TUG1: variants seen among roughly 807,000 people sequenced by gnomAD.
TUG1 encodes taurine up-regulated 1, also known as taurine upregulated gene 1.
At chr22:30,971,343 C>A (rs1432077259) in exon 1 of TUG1, 1 of 152,258 alleles carries the variant, frequency 6.6e-6, no homozygotes, top group Non-Finnish European at 1.5e-5. Flanking sequence ...CCGGATGTAC[C>A]TCAAAAGACT....
At chr22:30,978,253 T>C (rs1471105457) in exon 3 of TUG1, 4 of 152,212 alleles carry the variant, frequency 2.6e-5, no homozygotes, top group African/African-American at 7.2e-5. Flanking sequence ...ATCCAACATA[T>C]GCTATTGGAC....
At chr22:30,973,224 G>A (rs532110125) in exon 2 of TUG1, 1 of 152,408 alleles carries the variant, frequency 6.6e-6, no homozygotes, top group East Asian at 1.9e-4. Flanking sequence ...ATTTGGACCA[G>A]GGGATTTTTT....
chr22:30,974,194 T>A (rs1356890865), intron 2 of TUG1: 1 of 152,066 alleles, frequency 6.6e-6, no homozygotes, highest in Non-Finnish European at 1.5e-5. Flanking sequence ...TGTGTGTAAA[T>A]ATGACATGGA....
At chr22:30,969,603 G>T in exon 1 of TUG1, 2 of 152,670 alleles carry the variant, frequency 1.3e-5, no homozygotes, top group South Asian at 3.7e-4. Context: ...GGTCGGCGGC[G>T]GCGGGCAGCT....
exon 3 of TUG1, chr22:30,975,320 C>G (rs2041275847): frequency 6.6e-6 from 1 of 152,158 alleles, no homozygotes; most frequent in Admixed American, 6.5e-5. Context: ...CTGAATCCTG[C>G]TACAACTATC....
exon 1 of TUG1, chr22:30,971,284 G>C (rs1278008870): frequency 6.6e-6 from 1 of 152,086 alleles, no homozygotes; most frequent in Admixed American, 6.5e-5. Context: ...CCAGAGAAAT[G>C]ACTTGGAGAA....
At chr22:30,971,644 G>GTC (rs1223908183) in exon 1 of TUG1, 2 of 153,070 alleles carry the variant, frequency 1.3e-5, no homozygotes, top group African/African-American at 2.4e-5. Flanking sequence ...TTTTGGGACT[G>GTC]TTGACCTTGC....
At chr22:30,972,263 G>C (rs557449058) in intron 1 of TUG1, 2 of 152,316 alleles carry the variant, frequency 1.3e-5, no homozygotes, top group Non-Finnish European at 2.9e-5. Context: ...ATGTTTTAAT[G>C]TTTTTTAATT....
At chr22:30,970,447 T>A (rs1261603756) in exon 1 of TUG1, 2 of 152,222 alleles carry the variant, frequency 1.3e-5, no homozygotes, top group African/African-American at 4.8e-5. Flanking sequence ...TCCTTTTCTT[T>A]CACCATGGGG....
At chr22:30,973,571 T>G (rs1195774645) in exon 2 of TUG1, 2 of 152,216 alleles carry the variant, frequency 1.3e-5, no homozygotes, top group African/African-American at 4.8e-5. Flanking sequence ...AGAAAAGGCT[T>G]CTCTTGATAC....
exon 1 of TUG1, chr22:30,971,554 C>G (rs898634527): frequency 6.5e-6 from 1 of 152,712 alleles, no homozygotes; most frequent in Non-Finnish European, 1.5e-5. Flanking sequence ...TCCAGATTTT[C>G]AAGACCTGGA....
intron 2 of TUG1, chr22:30,974,039 A>C (rs535556512): frequency 6.6e-6 from 1 of 152,206 alleles, no homozygotes; most frequent in South Asian, 2.1e-4. Flanking sequence ...AAAGCTACCC[A>C]ATATGAAACA....
At chr22:30,971,543 T>G (rs2041230187) in exon 1 of TUG1, 1 of 152,652 alleles carries the variant, frequency 6.6e-6, no homozygotes, top group African/African-American at 2.4e-5. Flanking sequence ...GACTCCAGAT[T>G]TCCAGATTTT....
chr22:30,978,286 G>C (rs1006195393), exon 3 of TUG1: 2 of 152,098 alleles, frequency 1.3e-5, no homozygotes, highest in Non-Finnish European at 2.9e-5. Context: ...CCATTCAAAT[G>C]GATTACAGAC....
intron 1 of TUG1, chr22:30,971,999 T>C (rs1358675972): frequency 6.6e-6 from 1 of 152,260 alleles, no homozygotes; most frequent in Admixed American, 6.5e-5. Context: ...TCTATCTGTA[T>C]ACAAAATCCT....
chr22:30,969,898 CCTAG>C (rs1410042009), exon 1 of TUG1: 1 of 152,282 alleles, frequency 6.6e-6, no homozygotes, highest in Non-Finnish European at 1.5e-5. Flanking sequence ...TTCTTCCGGG[CCTAG>C]CCACCAGTTG....
chr22:30,973,240 T>C (rs751889968), exon 2 of TUG1: 3 of 152,274 alleles, frequency 2.0e-5, no homozygotes, highest in East Asian at 3.8e-4. Context: ...TTTTTAGTTA[T>C]TAATGCTCTC....
chr22:30,972,977 A>C (rs1211068947), exon 2 of TUG1: 1 of 153,224 alleles, frequency 6.5e-6, no homozygotes, highest in Non-Finnish European at 1.5e-5. Flanking sequence ...CCACCTTACT[A>C]CTGACGAAGA....
chr22:30,969,947 G>T (rs536970319), exon 1 of TUG1: 1 of 152,358 alleles, frequency 6.6e-6, no homozygotes, highest in South Asian at 2.1e-4. Context: ...TCTGTAATTT[G>T]TCTGCGCCTC....
Sources: gnomAD v4.1 joint callset for allele counts on GRCh38, gnomAD v4.1.1 for gene constraint, MANE v1.5 for transcripts, NCBI Gene and HGNC (gene_info 2026-07-23, HGNC 2026-07-21) for gene names.